Variants in KAZN observed in about 807,000 individuals in gnomAD.
The protein encoded by KAZN is kazrin.
In KAZN, 40 loss-of-function variants were observed where a neutral mutation model predicts 87.4. That is an observed-to-expected ratio of 0.46 (90% CI 0.36 to 0.60). The LOEUF (loss-of-function observed/expected upper bound fraction) is 0.60, where lower values mean the gene tolerates loss of function less well. KAZN is among the 20% of genes least tolerant of loss of function. The probability of loss-of-function intolerance (pLI) is 0.00; values close to 1 mark genes in which losing one functional copy is unlikely to be tolerated. For synonymous variants in KAZN, 466 were observed against 458.3 expected (o/e 1.02, Z -0.22); for missense variants, 898 against 1,073.9 (o/e 0.84, Z 2.29).
chr1:14,260,880 T>C (rs910328206), intron 2 of KAZN, among the ~76,000 whole-genome samples: 1 of 151,854 alleles, frequency 6.6e-6, no homozygotes, highest in East Asian at 1.9e-4. Context: ...AAGTGAGGAG[T>C]TGGAATTGAA....
At position 14,133,373 on chromosome 1, in the gene KAZN, AAAAAAAAGAAAGAAAGAAAG is replaced by A. The variant is rs1415392386; in HGVS notation, c.92-47058_92-47039del. Among the ~76,000 whole-genome samples, 17 of 72,976 alleles carry A rather than the reference AAAAAAAAGAAAGAAAGAAAG, an allele frequency of 2.3e-4. 1 individual carries two copies. The highest frequency in any genetic ancestry group is 8.4e-4 in the African/African-American group (12 of 14,346). The allele number at this position is 72,976 out of a possible 152,430, so 47.9% of individuals were successfully genotyped here. On this transcript the variant is annotated intron_variant, in intron 1 of 16. Transcript: ENST00000636203. Reference sequence around the variant, plus strand: ...AGAGTGAGACTCCCTCTCAAAAAAAAAAAAAAAGAAAGAAAGAAAGAAAGAAAGAAAGAAAGAAAGAAAGA... The same window carrying A: ...AGAGTGAGACTCCCTCTCAAAAAAAAAAAGAAAGAAAGAAAGAAAGAAAGA...
chr1:14,709,032 G>A (rs1196291365), intron 1 of KAZN, among the ~76,000 whole-genome samples: 2 of 152,158 alleles, frequency 1.3e-5, no homozygotes, highest in Non-Finnish European at 2.9e-5. Context: ...TGATGACAAA[G>A]ACAATGAGGG....
rs138140977 is a variant in KAZN, at chr1:15,032,852, G to A, written c.419-1897G>A. ...CAATCCCAGCTACTTGGGAGGCTGA[G>A]GCAGGAGAATCACTCGAACCCGGGA... On this transcript the variant is annotated intron_variant, in intron 2 of 14. Transcript: ENST00000376030. 9.5e-3 allele frequency among the ~76,000 whole-genome samples: 1,447 copies of A among 152,194 alleles called. 18 individuals carry two copies. The highest frequency in any genetic ancestry group is 0.033 in the African/African-American group (1,377 of 41,510).
At chr1:14,098,688 T>C (rs1644182873) in intron 1 of KAZN, among the ~76,000 whole-genome samples, 1 of 152,206 alleles carries the variant, frequency 6.6e-6, no homozygotes, top group Non-Finnish European at 1.5e-5. Context: ...TTGGGGCCAT[T>C]TGGACTTCCC....
At chr1:14,648,622 G>T (rs530369678) in intron 1 of KAZN, among the ~76,000 whole-genome samples, 2 of 152,112 alleles carry the variant, frequency 1.3e-5, no homozygotes, top group South Asian at 4.1e-4. Context: ...AGGAGGGATT[G>T]GAACTTGGAC....
At chr1:15,016,169 T>G (rs572429616) in intron 2 of KAZN, among the ~76,000 whole-genome samples, 127 of 152,270 alleles carry the variant, frequency 8.3e-4, no homozygotes, top group Non-Finnish European at 1.6e-3. Flanking sequence ...GTGACACATC[T>G]ACAGGCCGAC....
chr1:14,342,086 G>A (rs1409875708), intron 2 of KAZN, among the ~76,000 whole-genome samples: 1 of 152,120 alleles, frequency 6.6e-6, no homozygotes, highest in East Asian at 1.9e-4. Flanking sequence ...TGTGGTATTT[G>A]GTTTTCTATT....
chr1:14,351,575 A>G (rs1192172491), intron 2 of KAZN, among the ~76,000 whole-genome samples: 2 of 152,104 alleles, frequency 1.3e-5, no homozygotes, highest in African/African-American at 4.8e-5. Context: ...AAACAAACAA[A>G]CAAACAAAAC....
intron 2 of KAZN, among the ~76,000 whole-genome samples, chr1:14,547,174 A>G (rs965087644): frequency 2.0e-5 from 3 of 152,224 alleles, no homozygotes; most frequent in African/African-American, 7.2e-5. Flanking sequence ...TACCAAAGGG[A>G]AGAATAGAAT....
intron 1 of KAZN, among the ~76,000 whole-genome samples, chr1:14,942,224 A>G (rs1181923947): frequency 1.3e-5 from 2 of 152,174 alleles, no homozygotes; most frequent in Non-Finnish European, 2.9e-5. Context: ...CCCAGGGTGC[A>G]CATATTTGTC....
chr1:14,253,706 A>G (rs1386463808), intron 2 of KAZN, among the ~76,000 whole-genome samples: 2 of 151,974 alleles, frequency 1.3e-5, no homozygotes, highest in Non-Finnish European at 2.9e-5. Flanking sequence ...GAGACTTTCT[A>G]CTGCCCACAC....
intron 2 of KAZN, among the ~76,000 whole-genome samples, chr1:14,337,832 T>C (rs1227714240): frequency 6.7e-6 from 1 of 149,874 alleles, no homozygotes; most frequent in Non-Finnish European, 1.5e-5. Flanking sequence ...AGGCGGAGGT[T>C]ATGATGAGCC....
chr1:14,333,818 G>GT (rs377350653), intron 2 of KAZN, among the ~76,000 whole-genome samples: 1 of 152,204 alleles, frequency 6.6e-6, no homozygotes, highest in African/African-American at 2.4e-5. Context: ...AGAATGAGGT[G>GT]TGGGTGTCTG....
At chr1:14,016,200 A>G (rs6669709) in intron 1 of KAZN, among the ~76,000 whole-genome samples, 94,354 of 151,978 alleles carry the variant, frequency 0.62, 30,128 homozygotes, top group South Asian at 0.8. Flanking sequence ...CTGGTGTTAA[A>G]TAAAAAGGAC....
chr1:14,366,957 C>T (rs1229043615), intron 2 of KAZN, among the ~76,000 whole-genome samples: 1 of 152,224 alleles, frequency 6.6e-6, no homozygotes, highest in Admixed American at 6.5e-5. Flanking sequence ...GCTAGCCGGG[C>T]ACAGTGGCTC....
intron 1 of KAZN, among the ~76,000 whole-genome samples, chr1:14,797,880 C>T (rs1645879169): frequency 6.6e-6 from 1 of 152,220 alleles, no homozygotes; most frequent in African/African-American, 2.4e-5. Flanking sequence ...TAACTCAACA[C>T]TTAAAAGATG....
chr1:15,096,222 A>G lies in KAZN; in HGVS notation c.1547+1289A>G, dbSNP rs116143223. Among the ~76,000 whole-genome samples, 1,012 of 152,302 alleles carry G rather than the reference A, an allele frequency of 6.6e-3. 9 individuals carry two copies. The highest frequency in any genetic ancestry group is 0.023 in the African/African-American group (973 of 41,568). On this transcript the variant is annotated intron_variant, in intron 10 of 14. Transcript: ENST00000376030. This position sits in a 1 kb window ranked among gnomAD's most constrained non-coding sequence, Gnocchi z 4.5. ...GGTCCATAAACACTGCCTGTGTTCA[A>G]TGAACAGGGTGGGGATGACTGCTTC...
At chr1:14,712,982 C>A (rs1324092119) in intron 1 of KAZN, among the ~76,000 whole-genome samples, 1 of 152,058 alleles carries the variant, frequency 6.6e-6, no homozygotes, top group Admixed American at 6.6e-5. Context: ...TTTTTAATGC[C>A]GCACTGCTGT....
intron 2 of KAZN, among the ~76,000 whole-genome samples, chr1:14,261,461 C>A (rs1279977220): frequency 2.0e-5 from 3 of 152,078 alleles, no homozygotes; most frequent in Non-Finnish European, 4.4e-5. Context: ...TCCCCGGGGG[C>A]CAGATCAGAT....
Sources: allele counts gnomAD v4.1 joint callset (sites outside exome capture counted in the v4.1 genomes callset), GRCh38; gene constraint gnomAD v4.1.1; non-coding constraint Gnocchi (gnomAD v3.1); transcripts MANE v1.5; gene names NCBI Gene and HGNC (gene_info 2026-07-23, HGNC 2026-07-21).